The following SH3PXD2A variants were observed in gnomAD, a reference collection of about 807,000 sequenced individuals.
SH3PXD2A encodes SH3 and PX domain-containing protein 2A.
A neutral mutation model predicts 115.2 loss-of-function variants in SH3PXD2A; 32 were observed. That is an observed-to-expected ratio of 0.28 (90% CI 0.21 to 0.37). The LOEUF (loss-of-function observed/expected upper bound fraction) is 0.37. Ranked by LOEUF, SH3PXD2A falls within the 10% of genes least tolerant of loss-of-function variation. SH3PXD2A has a pLI of 1.00. For missense variants in SH3PXD2A, 1,328 were observed against 1,498.7 expected (o/e 0.89, Z 1.88); for synonymous variants, 610 against 629.1 (o/e 0.97, Z 0.45).
chr10:103,669,449 A>G (rs921027241), intron 6 of SH3PXD2A, among the ~76,000 whole-genome samples: 3 of 152,246 alleles, frequency 2.0e-5, no homozygotes, highest in Admixed American at 1.3e-4. Context: ...TGATACCATT[A>G]ACATCTGAAT....
chr10:103,768,313 C>T (rs1368473051), intron 2 of SH3PXD2A, among the ~76,000 whole-genome samples: 3 of 152,124 alleles, frequency 2.0e-5, no homozygotes, highest in Admixed American at 6.5e-5. Context: ...TTATATAGGG[C>T]GGCAAAGAAG....
chr10:103,704,994 A>T (rs1017953528), intron 5 of SH3PXD2A, among the ~76,000 whole-genome samples: 1 of 152,082 alleles, frequency 6.6e-6, no homozygotes, highest in African/African-American at 2.4e-5. Flanking sequence ...TGCTTGTAGC[A>T]GGGGGGCCAT....
chr10:103,651,491 CT>C (rs1315457088), intron 8 of SH3PXD2A, among the ~76,000 whole-genome samples: 2 of 152,218 alleles, frequency 1.3e-5, no homozygotes, highest in African/African-American at 4.8e-5. Flanking sequence ...TGGAGTTTGG[CT>C]TTGCAAAGAA....
chr10:103,798,814 G>A (rs911738251), intron 2 of SH3PXD2A, among the ~76,000 whole-genome samples: 4 of 152,166 alleles, frequency 2.6e-5, no homozygotes, highest in South Asian at 4.1e-4. Context: ...TGAATACGCC[G>A]GCAGGGACTG....
At chr10:103,687,992 T>C (rs2037700857) in intron 6 of SH3PXD2A, among the ~76,000 whole-genome samples, 1 of 152,148 alleles carries the variant, frequency 6.6e-6, no homozygotes, top group African/African-American at 2.4e-5. Context: ...CTCCATCTAA[T>C]AGTACATTCT....
intron 6 of SH3PXD2A, among the ~76,000 whole-genome samples, chr10:103,676,047 A>G (rs1040077346): frequency 6.6e-6 from 1 of 152,060 alleles, no homozygotes. Context: ...CTCGGGGGAA[A>G]AAAAAAAGAA....
Position 103,665,120 on chromosome 10 carries a change from G to A in SH3PXD2A, c.472+3488C>T, listed in dbSNP as rs946919308. 6.6e-6 allele frequency among the ~76,000 whole-genome samples: 1 copy of A among 152,272 alleles called. No individual in the cohort carries two copies. The highest frequency in any genetic ancestry group is 1.9e-4 in the East Asian group (1 of 5,184). On this transcript the variant is annotated intron_variant, in intron 7 of 14. Coordinates refer to ENST00000369774, the MANE Select transcript of SH3PXD2A (RefSeq NM_001394015.1). The surrounding 1 kb of genome is among the most constrained non-coding windows in gnomAD (Gnocchi z 4.0). The stretch of plus-strand genomic sequence containing the variant: ...GAACAGAGGGACTCATTGGTTTGTG[G>A]TGTCAATATGAATACCTTGACTCTG...
chr10:103,680,220 C>T (rs944364379), intron 6 of SH3PXD2A, among the ~76,000 whole-genome samples: 2 of 152,014 alleles, frequency 1.3e-5, no homozygotes, highest in African/African-American at 4.8e-5. Flanking sequence ...CTCAAGTAAT[C>T]CGCCCAACTC....
intron 4 of SH3PXD2A, among the ~76,000 whole-genome samples, chr10:103,725,325 C>T (rs570722316): frequency 1.3e-5 from 2 of 152,174 alleles, no homozygotes; most frequent in African/African-American, 4.8e-5. Flanking sequence ...CCTGGAGAAA[C>T]AATGTAAACT....
intron 1 of SH3PXD2A, among the ~76,000 whole-genome samples, chr10:103,808,018 T>A (rs2039224593): frequency 6.6e-6 from 1 of 152,066 alleles, no homozygotes; most frequent in South Asian, 2.1e-4. Context: ...AGTGCCCCCA[T>A]GTACAAGGTT....
rs779517903 is a variant in SH3PXD2A at position 103,693,017 on chromosome 10, G to A, written c.427+11C>T. ...GAAGGCTGAAGGGAAAACGCCCGGA[G>A]GCTCCCTTACCTGATTTCCTCTTGG... On this transcript the variant is annotated intron_variant, in intron 6 of 14. Coordinates refer to ENST00000369774, the MANE Select transcript of SH3PXD2A (RefSeq NM_001394015.1). The A allele has an allele frequency of 3.7e-6, 6 of 1,611,896 alleles. No homozygotes were observed. Among genetic ancestry groups the A allele is most frequent in the Non-Finnish European group, 4.2e-6 (5 of 1,178,506 alleles).
intron 5 of SH3PXD2A, among the ~76,000 whole-genome samples, chr10:103,714,053 G>T (rs559108387): frequency 1.3e-5 from 2 of 152,318 alleles, no homozygotes; most frequent in South Asian, 4.1e-4. Flanking sequence ...CAGGTTCTAG[G>T]TTCAGTTCTG....
chr10:103,808,870 G>A (rs1485783091), intron 1 of SH3PXD2A, among the ~76,000 whole-genome samples: 1 of 152,164 alleles, frequency 6.6e-6, no homozygotes, highest in Non-Finnish European at 1.5e-5. Flanking sequence ...GACACACTGA[G>A]ATAATGACTG....
chr10:103,849,649 C>T (rs779427654), intron 1 of SH3PXD2A, among the ~76,000 whole-genome samples: 88 of 152,338 alleles, frequency 5.8e-4, no homozygotes, highest in Non-Finnish European at 9.8e-4. Context: ...AGCAGAAGCC[C>T]GGGCCAGGCA....
At chr10:103,624,993 T>A (rs1486447009) in intron 9 of SH3PXD2A, among the ~76,000 whole-genome samples, 1 of 152,078 alleles carries the variant, frequency 6.6e-6, no homozygotes, top group East Asian at 1.9e-4. Flanking sequence ...TTTAGGAGAA[T>A]CGCCCTGGGC....
intron 5 of SH3PXD2A, among the ~76,000 whole-genome samples, chr10:103,719,417 C>T (rs992207331): frequency 6.6e-6 from 1 of 152,212 alleles, no homozygotes; most frequent in African/African-American, 2.4e-5. Flanking sequence ...TGTCCCTGAG[C>T]CTTCAGCTCC....
intron 11 of SH3PXD2A, among the ~76,000 whole-genome samples, chr10:103,616,526 C>T (rs993998652): frequency 2.6e-5 from 4 of 152,230 alleles, no homozygotes; most frequent in Non-Finnish European, 4.4e-5. Flanking sequence ...AGGAAAGACC[C>T]CACTTCCCTA....
At chr10:103,788,814 G>A (rs886759209) in intron 2 of SH3PXD2A, among the ~76,000 whole-genome samples, 3 of 152,144 alleles carry the variant, frequency 2.0e-5, no homozygotes, top group East Asian at 3.9e-4. Context: ...CCCGGGAGGC[G>A]GAGCTTGCAG....
Position 103,749,387 on chromosome 10 carries a change from A to T in SH3PXD2A, c.230-13579T>A, listed in dbSNP as rs569509320. ...CCCACCTTCTCTTAGCAACTCAGTG[A>T]CCAGGCTGAACTCAAAGGGCACCCG... On this transcript the variant is annotated intron_variant, in intron 3 of 14. Transcript: ENST00000369774. Among the ~76,000 whole-genome samples the T allele has an allele frequency of 6.6e-5, 10 of 152,292 alleles. No homozygotes were observed. In the South Asian group the frequency reaches 1.9e-3, roughly 28 times the overall value.
Sources: allele counts gnomAD v4.1 joint callset (sites outside exome capture counted in the v4.1 genomes callset), GRCh38; gene constraint gnomAD v4.1.1; non-coding constraint Gnocchi (gnomAD v3.1); transcripts MANE v1.5; gene names NCBI Gene and HGNC (gene_info 2026-07-23, HGNC 2026-07-21).